NRXN3: variants seen among roughly 807,000 people sequenced by gnomAD.
The protein encoded by NRXN3 is neurexin III.
Under a neutral mutation model 137.6 loss-of-function variants are expected in NRXN3, and 32 were observed. The ratio of observed to expected loss-of-function variants is 0.23; its 90% CI spans 0.18 to 0.31. The LOEUF is 0.31. Ranked by LOEUF, NRXN3 falls within the 10% of genes least tolerant of loss-of-function variation. The probability of loss-of-function intolerance (pLI) is 1.00; values close to 1 mark genes in which losing one functional copy is unlikely to be tolerated. For synonymous variants in NRXN3, 798 were observed against 784.5 expected (o/e 1.02, Z -0.29); for missense variants, 1,574 against 2,062.5 (o/e 0.76, Z 4.59).
At chr14:78,247,558 T>C (rs1369571038) in intron 2 of NRXN3, among the ~76,000 whole-genome samples, 2 of 152,200 alleles carry the variant, frequency 1.3e-5, no homozygotes, top group African/African-American at 4.8e-5. Context: ...ACTAGACTTG[T>C]TCATGTTGAC....
chr14:79,755,121 A>G (rs971293740), intron 19 of NRXN3, among the ~76,000 whole-genome samples: 1 of 152,132 alleles, frequency 6.6e-6, no homozygotes, highest in Admixed American at 6.5e-5. Flanking sequence ...GCAGAAAAAA[A>G]CTTTTTATAA....
rs754484520 is a variant in NRXN3, at chr14:79,861,913, G to C, written c.4665G>C (p.Ser1555=). 1.2e-6 allele frequency: 2 copies of C among 1,613,862 alleles called. No individual in the cohort carries two copies. The highest frequency in any genetic ancestry group is 1.3e-5 in the African/African-American group (1 of 75,018). ...GTLMKEKQQS[S]KSGHKKQKNK... Reference sequence around the variant, plus strand: ...TCATGAAGGAGAAGCAGCAGAGCTCGAAGAGCGGCCACAAGAAACAGAAAA... The same window carrying C: ...TCATGAAGGAGAAGCAGCAGAGCTCCAAGAGCGGCCACAAGAAACAGAAAA... Residue 1555 remains serine (S), a synonymous_variant, in exon 21 of 21, where the codon TCG becomes TCC. Transcript: ENST00000335750. The surrounding 1 kb of genome is among the most constrained non-coding windows in gnomAD (Gnocchi z 5.4).
intron 15 of NRXN3, among the ~76,000 whole-genome samples, chr14:79,366,470 C>T (rs1317249149): frequency 6.6e-6 from 1 of 152,162 alleles, no homozygotes; most frequent in African/African-American, 2.4e-5. Context: ...CTCCCCAATA[C>T]CCTTCCCAGC....
chr14:78,591,067 C>T (rs1300098055), intron 4 of NRXN3, among the ~76,000 whole-genome samples: 1 of 152,146 alleles, frequency 6.6e-6, no homozygotes, highest in African/African-American at 2.4e-5. Context: ...CTTTAATTAT[C>T]CCATGCCTTG....
intron 15 of NRXN3, among the ~76,000 whole-genome samples, chr14:79,152,317 G>T (rs1531630): frequency 2.0e-5 from 3 of 152,036 alleles, no homozygotes; most frequent in African/African-American, 7.2e-5. Context: ...CAGAATAGGT[G>T]CATAGTATTA....
At chr14:78,586,627 C>T (rs143665211) in intron 4 of NRXN3, among the ~76,000 whole-genome samples, 2 of 152,274 alleles carry the variant, frequency 1.3e-5, no homozygotes, top group Non-Finnish European at 1.5e-5. Flanking sequence ...ATTAGCCCCA[C>T]CGCCTGATCA....
At chr14:79,104,903 G>A (rs558437992) in intron 15 of NRXN3, among the ~76,000 whole-genome samples, 1 of 151,472 alleles carries the variant, frequency 6.6e-6, no homozygotes, top group Admixed American at 6.6e-5. Flanking sequence ...TTAGTGGACT[G>A]AGGAATTTAC....
At chr14:79,059,492 C>T (rs185799054) in intron 15 of NRXN3, among the ~76,000 whole-genome samples, 3 of 152,056 alleles carry the variant, frequency 2.0e-5, no homozygotes, top group African/African-American at 4.8e-5. Context: ...CTCCTGACCT[C>T]GTGATCCCCC....
chr14:78,893,613 A>T (rs995472588), intron 10 of NRXN3, among the ~76,000 whole-genome samples: 1 of 151,990 alleles, frequency 6.6e-6, no homozygotes, highest in Admixed American at 6.6e-5. Context: ...ATCCTAATGG[A>T]ATTGCAGAAT....
intron 20 of NRXN3, among the ~76,000 whole-genome samples, chr14:79,809,458 A>C (rs536733087): frequency 1.3e-5 from 2 of 152,018 alleles, no homozygotes; most frequent in African/African-American, 4.8e-5. Context: ...ATTTTTTTTT[A>C]ACAAAGTTAT....
chr14:78,185,877 G>A (rs1316042279), intron 1 of NRXN3, among the ~76,000 whole-genome samples: 3 of 152,236 alleles, frequency 2.0e-5, no homozygotes, highest in Non-Finnish European at 4.4e-5. Context: ...GACCATGGGT[G>A]GGGACTAGAG....
chr14:78,230,223 C>G (rs28405819), intron 1 of NRXN3, among the ~76,000 whole-genome samples: 21,694 of 151,830 alleles, frequency 0.14, 1,597 homozygotes, highest in East Asian at 0.16. Context: ...CAAGGTTTCA[C>G]CATGTTGTCC....
intron 16 of NRXN3, among the ~76,000 whole-genome samples, chr14:79,593,800 A>G (rs1336182275): frequency 6.6e-6 from 1 of 152,206 alleles, no homozygotes; most frequent in Non-Finnish European, 1.5e-5. Context: ...CAGACTCATT[A>G]TACTTTTTGG....
intron 15 of NRXN3, among the ~76,000 whole-genome samples, chr14:79,188,143 T>G (rs1024324762): frequency 2.0e-4 from 30 of 152,206 alleles, no homozygotes; most frequent in African/African-American, 7.2e-4. Context: ...TTAAGAGACA[T>G]TGCATACAGT....
Position 79,861,636 on chromosome 14 carries a change from C to T in NRXN3, c.4388C>T (p.Ser1463Phe). ...AAACTGAAGAGCCCACTAATTACTT[C>T]CCCCATGTTCCGTAATGTGCCCACA... Reference protein sequence around the residue: ...STKLKSPLITSPMFRNVPTAN... With the variant: ...STKLKSPLITFPMFRNVPTAN... The change falls in exon 21 of 21, where the codon TCC becomes TTC. Residue 1463 changes from serine (S) to phenylalanine (F), a missense_variant. Coordinates refer to ENST00000335750, the MANE Select transcript of NRXN3 (RefSeq NM_001330195.2). This position sits in a 1 kb window ranked among gnomAD's most constrained non-coding sequence, Gnocchi z 5.4. 1.9e-6 allele frequency: 3 copies of T among 1,614,124 alleles called. No individual in the cohort carries two copies. The South Asian group carries it at 3.3e-5, about 18-fold the overall frequency.
At chr14:79,056,662 A>G (rs745469144) in intron 15 of NRXN3, among the ~76,000 whole-genome samples, 76 of 152,228 alleles carry the variant, frequency 5.0e-4, no homozygotes, top group Non-Finnish European at 4.3e-4. Context: ...GATCTTATGA[A>G]TCTAGAGCTT....
chr14:79,377,075 T>C (rs988011958), intron 15 of NRXN3, among the ~76,000 whole-genome samples: 2 of 152,232 alleles, frequency 1.3e-5, no homozygotes, highest in Non-Finnish European at 2.9e-5. Context: ...CCCAACACAA[T>C]GATAAACATT....
intron 4 of NRXN3, among the ~76,000 whole-genome samples, chr14:78,306,283 A>G (rs2077362764): frequency 6.6e-6 from 1 of 152,174 alleles, no homozygotes; most frequent in African/African-American, 2.4e-5. Context: ...TATATATGTC[A>G]TAAAATACTT....
At chr14:79,061,300 G>A (rs2099673951) in intron 15 of NRXN3, among the ~76,000 whole-genome samples, 2 of 152,210 alleles carry the variant, frequency 1.3e-5, no homozygotes, top group Non-Finnish European at 2.9e-5. Context: ...GGTAATTCAT[G>A]CTACAAAGCT....
Sources: gnomAD v4.1 joint callset for allele counts (sites outside exome capture counted in the v4.1 genomes callset) on GRCh38, gnomAD v4.1.1 for gene constraint, Gnocchi (gnomAD v3.1) non-coding constraint, MANE v1.5 for transcripts, NCBI Gene and HGNC (gene_info 2026-07-23, HGNC 2026-07-21) for gene names.